GNG12: variants seen among roughly 807,000 people sequenced by gnomAD.
GNG12 encodes the protein guanine nucleotide-binding protein G(I)/G(S)/G(O) subunit gamma-12.
For synonymous variants in GNG12, 28 were observed against 29.7 expected, an observed-to-expected ratio of 0.94 and a Z score of 0.19; for missense variants, 69 against 83.8, an observed-to-expected ratio of 0.82 and a Z score of 0.69.
chr1:67,708,987 C>G (rs551676896), intron 2 of GNG12, among the ~76,000 whole-genome samples: 9 of 152,256 alleles, frequency 5.9e-5, no homozygotes, highest in African/African-American at 2.2e-4. Flanking sequence ...GTGGGCACCA[C>G]GGTGCTCCAC....
intron 2 of GNG12, among the ~76,000 whole-genome samples, chr1:67,714,044 G>A (rs1383232040): frequency 1.3e-5 from 2 of 152,192 alleles, no homozygotes; most frequent in Admixed American, 6.5e-5. Flanking sequence ...ATCAAAGCCT[G>A]CAGGCTAAAT....
At chr1:67,785,248 A>G (rs760892060) in intron 1 of GNG12, among the ~76,000 whole-genome samples, 3 of 152,210 alleles carry the variant, frequency 2.0e-5, no homozygotes, top group Non-Finnish European at 2.9e-5. Context: ...CAAATTTACT[A>G]TAACAATGGC....
chr1:67,829,338 A>T (rs1425455174), intron 1 of GNG12, among the ~76,000 whole-genome samples: 1 of 152,246 alleles, frequency 6.6e-6, no homozygotes, highest in Non-Finnish European at 1.5e-5. Flanking sequence ...TGGAAGAATT[A>T]ACTTGTTTAA....
chr1:67,811,931 C>T (rs141577575), intron 1 of GNG12, among the ~76,000 whole-genome samples: 128 of 152,216 alleles, frequency 8.4e-4, no homozygotes, highest in Middle Eastern at 6.8e-3. Flanking sequence ...ACATGCAGTG[C>T]CAAGTATTCA....
intron 1 of GNG12, among the ~76,000 whole-genome samples, chr1:67,816,278 C>A (rs1211211757): frequency 1.3e-5 from 2 of 152,104 alleles, no homozygotes; most frequent in African/African-American, 4.8e-5. Context: ...TTACAGCCGA[C>A]CGTAGTAACT....
chr1:67,780,035 A>G (rs1646728466), intron 1 of GNG12, among the ~76,000 whole-genome samples: 1 of 152,184 alleles, frequency 6.6e-6, no homozygotes, highest in Non-Finnish European at 1.5e-5. Context: ...GTCAGTACCA[A>G]TGGTATTATA....
chr1:67,712,499 T>C (rs1203908534), intron 2 of GNG12, among the ~76,000 whole-genome samples: 4 of 152,274 alleles, frequency 2.6e-5, no homozygotes, highest in Admixed American at 1.3e-4. Flanking sequence ...GAGACCAGCC[T>C]GGGAACATAG....
At chr1:67,808,552 G>GA (rs1381424740) in intron 1 of GNG12, among the ~76,000 whole-genome samples, 1 of 151,994 alleles carries the variant, frequency 6.6e-6, no homozygotes, top group African/African-American at 2.4e-5. Context: ...TAAAAAATCT[G>GA]AAAAAACTGA....
rs12078091 is a variant in GNG12 at position 67,775,297 on chromosome 1, A to C, written c.-27+2161T>G. ...TTAGTAAGGTTCCAGAGCCAGGCTC[A>C]AACTCAGGTTTTGTATAAATTTCTT... On this transcript the variant is annotated intron_variant, in intron 2 of 3. Coordinates refer to ENST00000370982, the MANE Select transcript of GNG12 (RefSeq NM_018841.6). Among the ~76,000 whole-genome samples, 255 of 152,380 alleles carry C rather than the reference A, an allele frequency of 1.7e-3. 1 individual carries two copies. The highest frequency in any genetic ancestry group is 5.8e-3 in the African/African-American group (242 of 41,598).
chr1:67,737,610 C>CT (rs35643307), intron 2 of GNG12, among the ~76,000 whole-genome samples: 1,766 of 146,450 alleles, frequency 0.012, 26 homozygotes, highest in African/African-American at 0.035. Flanking sequence ...TGAAGACTTT[C>CT]TTTTTTTTTT....
intron 1 of GNG12, among the ~76,000 whole-genome samples, chr1:67,802,675 C>T (rs1646873426): frequency 6.6e-6 from 1 of 152,186 alleles, no homozygotes; most frequent in Non-Finnish European, 1.5e-5. Flanking sequence ...CCTCTCTTTG[C>T]CCTGCTGCTG....
At chr1:67,713,099 G>C (rs1329571672) in intron 2 of GNG12, among the ~76,000 whole-genome samples, 1 of 152,152 alleles carries the variant, frequency 6.6e-6, no homozygotes, top group African/African-American at 2.4e-5. Context: ...TGATTGCCTT[G>C]TGTTTGTGTA....
At chr1:67,733,483 T>C (rs1041601213) in intron 2 of GNG12, among the ~76,000 whole-genome samples, 1 of 152,212 alleles carries the variant, frequency 6.6e-6, no homozygotes, top group African/African-American at 2.4e-5. Context: ...TGGAATCATA[T>C]TTGCATATGG....
At chr1:67,749,916 G>A (rs950837231) in intron 2 of GNG12, among the ~76,000 whole-genome samples, 2 of 152,178 alleles carry the variant, frequency 1.3e-5, no homozygotes, top group Non-Finnish European at 2.9e-5. Context: ...TCACTGGTTA[G>A]GAACTGTCCC....
chr1:67,739,372 T>C (rs979121912), intron 2 of GNG12, among the ~76,000 whole-genome samples: 1 of 152,104 alleles, frequency 6.6e-6, no homozygotes, highest in Non-Finnish European at 1.5e-5. Context: ...CTCAAGGTGA[T>C]ATCCGCAGAG....
intron 2 of GNG12, among the ~76,000 whole-genome samples, chr1:67,732,695 A>C (rs1382500537): frequency 6.6e-6 from 1 of 152,232 alleles, no homozygotes; most frequent in Non-Finnish European, 1.5e-5. Context: ...TCTGGCTAGC[A>C]TAAGAGGAAA....
At chr1:67,758,331 T>G (rs1646582060) in intron 2 of GNG12, among the ~76,000 whole-genome samples, 1 of 152,184 alleles carries the variant, frequency 6.6e-6, no homozygotes, top group Admixed American at 6.5e-5. Flanking sequence ...ACCAAACCCT[T>G]GGGACTGAAC....
intron 2 of GNG12, among the ~76,000 whole-genome samples, chr1:67,735,950 C>G (rs977616026): frequency 6.6e-6 from 1 of 152,088 alleles, no homozygotes; most frequent in African/African-American, 2.4e-5. Context: ...ATTTCCTGGG[C>G]GCTAAACCAA....
In GNG12 at chr1:67,789,760, TGCCAG is replaced by T. The variant is rs1646790449; in HGVS notation, c.-76-12258_-76-12254del. On this transcript the variant is annotated intron_variant, in intron 1 of 3. Coordinates refer to ENST00000370982, the MANE Select transcript of GNG12 (RefSeq NM_018841.6). The stretch of plus-strand genomic sequence containing the variant: ...GAGCCGGAAGGGTTTGTTTCCACTC[TGCCAG>T]ACCTTTGGTGTAGATGAGCGCACTT... 3.3e-5 allele frequency among the ~76,000 whole-genome samples: 5 copies of T among 152,314 alleles called. No homozygotes were observed. In the South Asian group the frequency reaches 1.0e-3, roughly 32 times the overall value.
Sources: gnomAD v4.1 joint callset for allele counts (sites outside exome capture counted in the v4.1 genomes callset) on GRCh38, gnomAD v4.1.1 for gene constraint, MANE v1.5 for transcripts, NCBI Gene and HGNC (gene_info 2026-07-23, HGNC 2026-07-21) for gene names.